The following TBC1D22A variants were observed in gnomAD, a reference collection of about 807,000 sequenced individuals.
The protein encoded by TBC1D22A is TBC1 domain family member 22A, also known as putative GTPase activator.
TBC1D22A carries 38 observed loss-of-function variants against 60.2 expected under a neutral mutation model. The observed-to-expected ratio is 0.63, with a 90% confidence interval of 0.49 to 0.83. The LOEUF is 0.83. Ranked by LOEUF, TBC1D22A falls within the 40% of genes least tolerant of loss-of-function variation. The pLI, the probability that TBC1D22A is intolerant of heterozygous loss-of-function variation, is 0.00. For synonymous variants in TBC1D22A, 302 were observed against 281.7 expected (o/e 1.07, Z -0.72); for missense variants, 628 against 701.0 (o/e 0.90, Z 1.18).
intron 10 of TBC1D22A, among the ~76,000 whole-genome samples, chr22:46,999,713 A>C (rs1404124775): frequency 6.6e-6 from 1 of 152,198 alleles, no homozygotes; most frequent in African/African-American, 2.4e-5. Flanking sequence ...CTAGGAAGAA[A>C]AAATTGCTTA....
intron 11 of TBC1D22A, among the ~76,000 whole-genome samples, chr22:47,073,829 T>G (rs2064102151): frequency 6.6e-6 from 1 of 152,156 alleles, no homozygotes; most frequent in Non-Finnish European, 1.5e-5. Flanking sequence ...AAGATAGTAT[T>G]AAAAGACTAT....
intron 1 of TBC1D22A, among the ~76,000 whole-genome samples, chr22:46,765,245 T>A (rs1348880291): frequency 6.6e-6 from 1 of 152,188 alleles, no homozygotes; most frequent in Non-Finnish European, 1.5e-5. Context: ...CTGGCAGTGC[T>A]GCTCTTTCAG....
At chr22:46,904,286 T>G (rs1051430290) in intron 7 of TBC1D22A, among the ~76,000 whole-genome samples, 5 of 151,776 alleles carry the variant, frequency 3.3e-5, no homozygotes, top group African/African-American at 1.2e-4. Flanking sequence ...GCATGTGTCC[T>G]TTGGTGTTGG....
chr22:47,122,413 G>C (rs1569459270), intron 12 of TBC1D22A, among the ~76,000 whole-genome samples: 1 of 152,174 alleles, frequency 6.6e-6, no homozygotes, highest in African/African-American at 2.4e-5. Flanking sequence ...GGTGAGTGTG[G>C]TCATTTCTGA....
intron 12 of TBC1D22A, among the ~76,000 whole-genome samples, chr22:47,127,284 G>A (rs1239402934): frequency 6.3e-5 from 9 of 142,338 alleles, no homozygotes; most frequent in African/African-American, 2.4e-4. Flanking sequence ...CTGAAGTGCA[G>A]TGACGCGATC....
chr22:46,764,687 T>G (rs1483649041), intron 1 of TBC1D22A, among the ~76,000 whole-genome samples: 1 of 152,176 alleles, frequency 6.6e-6, no homozygotes, highest in Non-Finnish European at 1.5e-5. Context: ...ACTAGTATTT[T>G]TATAAAAAGA....
At chr22:46,972,805 A>G (rs751931312) in intron 8 of TBC1D22A, among the ~76,000 whole-genome samples, 66 of 152,162 alleles carry the variant, frequency 4.3e-4, no homozygotes, top group Non-Finnish European at 8.4e-4. Flanking sequence ...AAAACCCAGA[A>G]CCAAATCAAA....
At chr22:46,848,755 A>G (rs1255214839) in intron 4 of TBC1D22A, among the ~76,000 whole-genome samples, 1 of 152,180 alleles carries the variant, frequency 6.6e-6, no homozygotes. Flanking sequence ...TTTTGAGTGC[A>G]TTATGACACG....
intron 10 of TBC1D22A, among the ~76,000 whole-genome samples, chr22:47,034,916 C>T (rs1043891029): frequency 2.0e-5 from 3 of 152,202 alleles, no homozygotes; most frequent in African/African-American, 7.2e-5. Flanking sequence ...TCTTTGCTTG[C>T]AGCCGACTCT....
intron 9 of TBC1D22A, among the ~76,000 whole-genome samples, chr22:46,996,643 G>A (rs953757779): frequency 3.3e-5 from 5 of 152,178 alleles, no homozygotes; most frequent in Non-Finnish European, 5.9e-5. Flanking sequence ...TGTTAACCAC[G>A]AGTCTGGTTG....
chr22:46,946,097 A>C (rs2072520351), intron 8 of TBC1D22A, among the ~76,000 whole-genome samples: 1 of 152,206 alleles, frequency 6.6e-6, no homozygotes, highest in African/African-American at 2.4e-5. Flanking sequence ...GTGTGTACAC[A>C]GCTTTCCAAA....
rs1290490955 is a variant in TBC1D22A, at chr22:46,938,500, A to G, written c.1015+26312A>G. ...TGCATGGCTGCATGATCACATCTTAATGGTATTTTTTTTTATCTTTATCTG... is the reference window on the plus strand; with the variant it reads ...TGCATGGCTGCATGATCACATCTTAGTGGTATTTTTTTTTATCTTTATCTG... On this transcript the variant is annotated intron_variant, in intron 8 of 12. Coordinates refer to ENST00000337137, the MANE Select transcript of TBC1D22A (RefSeq NM_014346.5). 4.9e-5 allele frequency among the ~76,000 whole-genome samples: 6 copies of G among 121,252 alleles called. No individual in the cohort carries two copies. In the East Asian group the frequency reaches 1.3e-3, roughly 25 times the overall value. 79.5% of individuals were successfully genotyped at this position (121,252 alleles called of 152,430 possible). A position where few individuals can be genotyped will look rare whatever the true frequency, so the allele number is the denominator to read the frequency against.
intron 10 of TBC1D22A, among the ~76,000 whole-genome samples, chr22:47,027,991 G>T (rs781301600): frequency 6.6e-6 from 1 of 152,144 alleles, no homozygotes; most frequent in African/African-American, 2.4e-5. Context: ...AAGCGGCTCC[G>T]TCATCTGCAT....
intron 12 of TBC1D22A, among the ~76,000 whole-genome samples, chr22:47,170,062 C>A (rs559234275): frequency 6.6e-6 from 1 of 152,166 alleles, no homozygotes; most frequent in Non-Finnish European, 1.5e-5. Context: ...CAGGAGACGA[C>A]GTGGCCTAGT....
In TBC1D22A at chr22:46,873,792, CT is replaced by C. The variant is rs796270691; in HGVS notation, c.638-4847del. On this transcript the variant is annotated intron_variant, in intron 4 of 12. Transcript: ENST00000337137. ...CACTGCAAAGGACATAATCTTGTTC[CT>C]TTTTTTTTTTTTTCTTTTGAGACAG... is the stretch of plus-strand genomic sequence containing the variant. Among the ~76,000 whole-genome samples the C allele has an allele frequency of 8.6e-3, 1,247 of 144,484 alleles. 8 individuals carry two copies. Among genetic ancestry groups the C allele is most frequent in the African/African-American group, 0.02 (785 of 39,712 alleles). The allele number at this position is 144,484 out of a possible 152,430, so 94.8% of individuals were successfully genotyped here.
At chr22:47,130,068 G>A (rs1601609307) in intron 12 of TBC1D22A, among the ~76,000 whole-genome samples, 2 of 152,326 alleles carry the variant, frequency 1.3e-5, no homozygotes, top group African/African-American at 4.8e-5. Context: ...CCTGGGTGGG[G>A]CTGTGTCAGC....
Position 46,907,595 on chromosome 22 carries a change from G to A in TBC1D22A, c.901-4479G>A, listed in dbSNP as rs867738271. 6.6e-5 allele frequency among the ~76,000 whole-genome samples: 10 copies of A among 152,092 alleles called. No individual in the cohort carries two copies. In the South Asian group the frequency reaches 1.7e-3, roughly 25 times the overall value. ...CAGCTGCGCCATCCTCGCCTCCACC[G>A]TCCTCGCCTCCACCATCCTCGCCTC... is the stretch of plus-strand genomic sequence containing the variant. On this transcript the variant is annotated intron_variant, in intron 7 of 12. Transcript: ENST00000337137.
At chr22:46,941,767 A>AAT (rs1206237183) in intron 8 of TBC1D22A, among the ~76,000 whole-genome samples, 16 of 145,942 alleles carry the variant, frequency 1.1e-4, no homozygotes, top group Admixed American at 3.5e-4. Flanking sequence ...ATATATACGG[A>AAT]ATATGTATAC....
chr22:46,767,426 G>GA (rs1657058844), intron 1 of TBC1D22A, among the ~76,000 whole-genome samples: 1 of 152,156 alleles, frequency 6.6e-6, no homozygotes, highest in African/African-American at 2.4e-5. Context: ...CCAGTTTTGA[G>GA]AATTTGATGA....
Sources: allele counts gnomAD v4.1 joint callset (sites outside exome capture counted in the v4.1 genomes callset), GRCh38; gene constraint gnomAD v4.1.1; transcripts MANE v1.5; gene names NCBI Gene and HGNC (gene_info 2026-07-23, HGNC 2026-07-21).